CAMTA1: variants seen among roughly 807,000 people sequenced by gnomAD.
CAMTA1 encodes calmodulin binding transcription activator 1.
CAMTA1 carries 27 observed loss-of-function variants against 170.9 expected under a neutral mutation model. That is an observed-to-expected ratio of 0.16 (90% CI 0.12 to 0.22). The LOEUF is 0.22. Ranked by LOEUF, CAMTA1 falls within the 10% of genes least tolerant of loss-of-function variation. CAMTA1 has a pLI of 1.00. For missense variants in CAMTA1, 1,619 were observed against 2,217.2 expected (o/e 0.73, Z 5.42); for synonymous variants, 833 against 891.5 (o/e 0.93, Z 1.17).
intron 6 of CAMTA1, among the ~76,000 whole-genome samples, chr1:7,497,124 G>A (rs555659586): frequency 2.2e-4 from 34 of 152,274 alleles, no homozygotes; most frequent in Non-Finnish European, 4.3e-4. Context: ...AGTGGCTGCC[G>A]CTTCTCCTGA....
At chr1:7,657,471 C>T (rs1342203605) in intron 7 of CAMTA1, among the ~76,000 whole-genome samples, 1 of 152,210 alleles carries the variant, frequency 6.6e-6, no homozygotes, top group Non-Finnish European at 1.5e-5. Flanking sequence ...TGTGCCTCCT[C>T]CCTTACAAGA....
rs146991206 is a variant in CAMTA1 at position 6,838,789 on chromosome 1, C to G, written c.234+13579C>G. On this transcript the variant is annotated intron_variant, in intron 3 of 22. Coordinates refer to ENST00000303635, the MANE Select transcript of CAMTA1 (RefSeq NM_015215.4). Reference sequence around the variant, plus strand: ...CTTGATTGACTGAGACAGATTCTCTCTCTGTCACCCAGGCTGGAGTGCAAT... The same window carrying G: ...CTTGATTGACTGAGACAGATTCTCTGTCTGTCACCCAGGCTGGAGTGCAAT... 2.9e-3 allele frequency among the ~76,000 whole-genome samples: 449 copies of G among 152,312 alleles called. 3 individuals are homozygous for G. The highest frequency in any genetic ancestry group is 9.3e-3 in the African/African-American group (385 of 41,580).
rs143967673 is a variant in CAMTA1 at position 7,391,395 on chromosome 1, A to C, written c.439-76435A>C. Reference sequence around the variant, plus strand: ...TGATCCTTCAAAGTCTGTGGGTTTTATTGTCATCCCCTTTTTATAGATTAG... The same window carrying C: ...TGATCCTTCAAAGTCTGTGGGTTTTCTTGTCATCCCCTTTTTATAGATTAG... On this transcript the variant is annotated intron_variant, in intron 5 of 22. Coordinates refer to ENST00000303635, the MANE Select transcript of CAMTA1 (RefSeq NM_015215.4). 2.3e-4 allele frequency among the ~76,000 whole-genome samples: 34 copies of C among 150,342 alleles called. No individual in the cohort carries two copies. In the East Asian group the frequency reaches 2.6e-3, roughly 11 times the overall value.
At chr1:7,517,482 G>A (rs2094302850) in intron 6 of CAMTA1, among the ~76,000 whole-genome samples, 1 of 152,134 alleles carries the variant, frequency 6.6e-6, no homozygotes, top group Non-Finnish European at 1.5e-5. Context: ...CATTTAGTAG[G>A]TTCTACTAAA....
chr1:7,739,021 C>T (rs1303957697), intron 16 of CAMTA1, among the ~76,000 whole-genome samples: 1 of 152,050 alleles, frequency 6.6e-6, no homozygotes, highest in East Asian at 1.9e-4. Flanking sequence ...TCTAAAAATT[C>T]CAGAATCTTT....
At position 7,278,804 on chromosome 1, in the gene CAMTA1, C is replaced by T. The variant is rs529221088; in HGVS notation, c.438+29178C>T. The stretch of plus-strand genomic sequence containing the variant: ...CTTGGCCCTCACGTAGCTTCCAGTC[C>T]GGTAGAGGAGATACAATTTAATCAT... On this transcript the variant is annotated intron_variant, in intron 5 of 22. Transcript: ENST00000303635. Among the ~76,000 whole-genome samples, 31 of 152,214 alleles carry T rather than the reference C, an allele frequency of 2.0e-4. 1 individual carries two copies. The South Asian group carries it at 5.4e-3, about 27-fold the overall frequency.
intron 10 of CAMTA1, among the ~76,000 whole-genome samples, chr1:7,672,857 C>T (rs2096072638): frequency 6.6e-6 from 1 of 152,072 alleles, no homozygotes; most frequent in South Asian, 2.1e-4. Context: ...CCAAGGTGCC[C>T]ACCCCACCCC....
chr1:6,907,151 T>G (rs1678688459), intron 3 of CAMTA1, among the ~76,000 whole-genome samples: 1 of 152,168 alleles, frequency 6.6e-6, no homozygotes, highest in Non-Finnish European at 1.5e-5. Context: ...AAAAATCCGG[T>G]GTGTGGTTTC....
At chr1:7,058,782 G>A (rs1315228243) in intron 3 of CAMTA1, among the ~76,000 whole-genome samples, 9 of 152,068 alleles carry the variant, frequency 5.9e-5, no homozygotes, top group Non-Finnish European at 1.5e-5. Context: ...TGTTATCCTG[G>A]TGCCATAGAA....
At chr1:7,530,812 G>GTTT (rs34013817) in intron 6 of CAMTA1, among the ~76,000 whole-genome samples, 1,193 of 100,740 alleles carry the variant, frequency 0.012, 69 homozygotes, top group African/African-American at 0.029. Flanking sequence ...GTGAGCTCTT[G>GTTT]TTTTTTTTTT....
At position 7,347,168 on chromosome 1, in the gene CAMTA1, C is replaced by T. The variant is rs1048121239; in HGVS notation, c.438+97542C>T. ...GAGTAACATTCCTCGGTGGGGAGAGCGGCGGATGGTTCTCAGAAAGAATCG... is the reference window on the plus strand; with the variant it reads ...GAGTAACATTCCTCGGTGGGGAGAGTGGCGGATGGTTCTCAGAAAGAATCG... On this transcript the variant is annotated intron_variant, in intron 5 of 22. Coordinates refer to ENST00000303635, the MANE Select transcript of CAMTA1 (RefSeq NM_015215.4). Among the ~76,000 whole-genome samples the T allele has an allele frequency of 2.3e-4, 35 of 152,190 alleles. 1 individual carries two copies. The highest frequency in any genetic ancestry group is 1.0e-3 in the South Asian group (5 of 4,828).
intron 7 of CAMTA1, 77 bp downstream of exon 7, chr1:7,640,630 C>G: frequency 6.4e-7 from 1 of 1,554,288 alleles, no homozygotes; most frequent in Non-Finnish European, 8.9e-7. Context: ...CAGGAAGGTC[C>G]TCTGTGGCCT....
At chr1:7,310,694 C>T (rs1468241330) in intron 5 of CAMTA1, among the ~76,000 whole-genome samples, 22 of 47,088 alleles carry the variant, frequency 4.7e-4, no homozygotes, top group African/African-American at 9.6e-4. Context: ...CTCTCTCTCT[C>T]TCTCTCTCTT....
chr1:6,917,500 G>T (rs1460871270), intron 3 of CAMTA1, among the ~76,000 whole-genome samples: 1 of 145,808 alleles, frequency 6.9e-6, no homozygotes, highest in Non-Finnish European at 1.5e-5. Context: ...AGAAGTGACA[G>T]ATTCAAGAGA....
At chr1:7,079,353 G>A (rs560212135) in intron 3 of CAMTA1, among the ~76,000 whole-genome samples, 25 of 152,248 alleles carry the variant, frequency 1.6e-4, no homozygotes, top group Non-Finnish European at 3.1e-4. Context: ...TTCCAAACTT[G>A]ACAAAAGCTA....
chr1:7,484,616 C>T (rs912687115), intron 6 of CAMTA1, among the ~76,000 whole-genome samples: 1 of 152,032 alleles, frequency 6.6e-6, no homozygotes, highest in Non-Finnish European at 1.5e-5. Context: ...GGTGAAATCC[C>T]GTCTCTACTA....
intron 5 of CAMTA1, among the ~76,000 whole-genome samples, chr1:7,250,715 G>A (rs1002537027): frequency 1.3e-5 from 2 of 151,990 alleles, no homozygotes; most frequent in Non-Finnish European, 2.9e-5. Context: ...CCTCACAGAG[G>A]GATGACTTTT....
At chr1:7,663,286 G>A in intron 8 of CAMTA1, 67 bp from the exon 9 acceptor site, 1 of 1,494,122 alleles carries the variant, frequency 6.7e-7, no homozygotes, top group Non-Finnish European at 8.9e-7. Context: ...TCTCTTTTGT[G>A]TGTGCATGTG....
chr1:7,139,275 A>ATATATT (rs982008302), intron 4 of CAMTA1, among the ~76,000 whole-genome samples: 17 of 142,852 alleles, frequency 1.2e-4, no homozygotes, highest in African/African-American at 4.3e-4. Flanking sequence ...CATAATATAA[A>ATATATT]TATATTTATA....
Sources: gnomAD v4.1 joint callset for allele counts (sites outside exome capture counted in the v4.1 genomes callset) on GRCh38, gnomAD v4.1.1 for gene constraint, MANE v1.5 for transcripts, NCBI Gene and HGNC (gene_info 2026-07-23, HGNC 2026-07-21) for gene names.